Variants in FBLN5 observed in about 807,000 individuals in gnomAD.
FBLN5 encodes the protein fibulin 5.
Under a neutral mutation model 61.6 loss-of-function variants are expected in FBLN5, and 24 were observed. The observed-to-expected ratio is 0.39, with a 90% CI of 0.28 to 0.55. FBLN5 has a LOEUF of 0.55. Ranked by LOEUF, FBLN5 falls within the 20% of genes least tolerant of loss-of-function variation. FBLN5 has a pLI of 0.65. For synonymous variants in FBLN5, 213 were observed against 219.8 expected (o/e 0.97, Z 0.27); for missense variants, 470 against 594.1 (o/e 0.79, Z 2.17).
chr14:91,887,722 C>A (rs1889791613), intron 6 of FBLN5, among the ~76,000 whole-genome samples: 1 of 152,116 alleles, frequency 6.6e-6, no homozygotes, highest in African/African-American at 2.4e-5. Context: ...TTCAGGTTAA[C>A]AAATAACCAT....
intron 1 of FBLN5, among the ~76,000 whole-genome samples, chr14:91,946,485 A>G (rs72705375): frequency 0.072 from 10,855 of 151,674 alleles, 525 homozygotes; most frequent in Admixed American, 0.14. Context: ...CTGGTCCCCA[A>G]TCCAGGATGA....
At chr14:91,898,958 C>T (rs576870568) in intron 4 of FBLN5, among the ~76,000 whole-genome samples, 2 of 152,028 alleles carry the variant, frequency 1.3e-5, no homozygotes, top group Admixed American at 6.5e-5. Flanking sequence ...CCCACCACCA[C>T]GCCCGGCTAA....
intron 2 of FBLN5, 99 bp from the exon 3 acceptor site, chr14:91,940,715 A>G (rs1860950666): frequency 1.0e-6 from 1 of 973,550 alleles, no homozygotes; most frequent in Non-Finnish European, 1.6e-6. Context: ...GCAAAAAAGA[A>G]AGGCCTCCAA....
chr14:91,922,745 T>C (rs1453715077), intron 4 of FBLN5, among the ~76,000 whole-genome samples: 1 of 152,190 alleles, frequency 6.6e-6, no homozygotes, highest in African/African-American at 2.4e-5. Flanking sequence ...CCTAAGGAGC[T>C]TGTGTTTTGC....
chr14:91,937,351 T>C, intron 3 of FBLN5, 150 bp from the exon 4 acceptor site: 1 of 943,996 alleles, frequency 1.1e-6, no homozygotes, highest in Non-Finnish European at 1.6e-6. Context: ...ACCCCAAATG[T>C]TGGCTGAAGT....
Position 91,947,303 on chromosome 14 carries a change from C to A in FBLN5, c.-74G>T. On this transcript the variant is annotated 5_prime_UTR_variant, in exon 1 of 11. Transcript: ENST00000342058. This position sits in a 1 kb window ranked among gnomAD's most constrained non-coding sequence, Gnocchi z 4.3. ...GGCGGGACCCCCGGAGGAGCTCGGG[C>A]ACGTCGGCCTCCTCTGGGCCCTCGG... The A allele has an allele frequency of 6.3e-7, 1 of 1,581,238 alleles. No homozygotes were observed. Among genetic ancestry groups the A allele is most frequent in the South Asian group, 1.1e-5 (1 of 90,236 alleles).
intron 4 of FBLN5, among the ~76,000 whole-genome samples, chr14:91,923,306 T>C (rs972278013): frequency 3.9e-5 from 6 of 152,218 alleles, no homozygotes; most frequent in African/African-American, 1.4e-4. Context: ...GTTCACAGAA[T>C]AAAGCCCAAG....
chr14:91,902,311 G>A (rs369005954), intron 4 of FBLN5, among the ~76,000 whole-genome samples: 10 of 143,814 alleles, frequency 7.0e-5, no homozygotes, highest in African/African-American at 2.4e-4. Context: ...AAAAAGCCAT[G>A]AGGCTTTGGC....
chr14:91,901,820 T>A (rs1595314120), intron 4 of FBLN5, among the ~76,000 whole-genome samples: 1 of 152,326 alleles, frequency 6.6e-6, no homozygotes, highest in Non-Finnish European at 1.5e-5. Context: ...GTTTGTTCAT[T>A]TTGCGCCTCT....
intron 1 of FBLN5, among the ~76,000 whole-genome samples, chr14:91,945,187 C>T (rs1428266596): frequency 4.0e-5 from 6 of 150,586 alleles, no homozygotes; most frequent in African/African-American, 7.4e-5. Context: ...GCCGAGATTG[C>T]GCCACTGCAT....
At chr14:91,935,383 C>A (rs1464221666) in intron 4 of FBLN5, among the ~76,000 whole-genome samples, 2 of 152,248 alleles carry the variant, frequency 1.3e-5, no homozygotes, top group African/African-American at 4.8e-5. Flanking sequence ...ACCCAAGGCC[C>A]CCTGCCAAAA....
intron 10 of FBLN5, chr14:91,874,237 G>C (rs1358212026): frequency 2.0e-5 from 3 of 152,268 alleles, no homozygotes; most frequent in Admixed American, 2.0e-4. Context: ...CCCACACGAT[G>C]CTCCAGTCCC....
At chr14:91,871,674 T>C (rs1888933996) in intron 10 of FBLN5, among the ~76,000 whole-genome samples, 3 of 152,134 alleles carry the variant, frequency 2.0e-5, no homozygotes, top group African/African-American at 7.2e-5. Context: ...CTGGCTGATA[T>C]GGTGAAACCC....
intron 1 of FBLN5, chr14:91,946,835 T>A (rs1475021285): frequency 6.6e-7 from 1 of 1,526,288 alleles, no homozygotes; most frequent in Non-Finnish European, 8.7e-7. Flanking sequence ...TATCAGCCGA[T>A]GCGGCGCAGT....
At chr14:91,876,550 G>T (rs1889170921) in intron 10 of FBLN5, among the ~76,000 whole-genome samples, 1 of 152,310 alleles carries the variant, frequency 6.6e-6, no homozygotes, top group Middle Eastern at 3.4e-3. Flanking sequence ...CTACTCGCAG[G>T]TGTTAATATA....
chr14:91,870,792 A>G (rs1287396491), intron 10 of FBLN5, among the ~76,000 whole-genome samples: 1 of 152,136 alleles, frequency 6.6e-6, no homozygotes, highest in Non-Finnish European at 1.5e-5. Flanking sequence ...GCTTTTCACC[A>G]CTGAGTCCCC....
Position 91,936,958 on chromosome 14 carries a change from T to A in FBLN5, c.368A>T (p.Asn123Ile). Residue 123 changes from asparagine to isoleucine, a missense_variant, in exon 4 of 11, where the codon AAC (asparagine) becomes ATC (isoleucine). Coordinates refer to ENST00000342058, the MANE Select transcript of FBLN5 (RefSeq NM_006329.4). ...GCCGGGCTACTCACCCACACATTGG[T>A]TGCTTTCATCCATCTGGTATCCAAA... is the stretch of plus-strand genomic sequence containing the variant. ...CRFGYQMDES[N>I]QCVDVDECAT... 2 of 1,614,188 alleles carry A rather than the reference T, an allele frequency of 1.2e-6. No individual in the cohort carries two copies. The highest frequency in any genetic ancestry group is 8.5e-7 in the Non-Finnish European group (1 of 1,180,030).
chr14:91,943,299 A>C lies in FBLN5; in HGVS notation c.18-338T>G, dbSNP rs568041318. ...TGAGGCAAGAGGATTGCTTGAACCCAGGAGTTTGAGACAAGCCTGGGCAAC... is the reference window on the plus strand; with the variant it reads ...TGAGGCAAGAGGATTGCTTGAACCCCGGAGTTTGAGACAAGCCTGGGCAAC... On this transcript the variant is annotated intron_variant, in intron 1 of 10. Coordinates refer to ENST00000342058, the MANE Select transcript of FBLN5 (RefSeq NM_006329.4). This position sits in a 1 kb window ranked among gnomAD's most constrained non-coding sequence, Gnocchi z 4.0. Among the ~76,000 whole-genome samples the C allele has an allele frequency of 7.6e-4, 116 of 152,164 alleles. No individual in the cohort carries two copies. Among genetic ancestry groups the C allele is most frequent in the African/African-American group, 2.7e-3 (113 of 41,532 alleles).
Position 91,882,248 on chromosome 14 carries a change from T to C in FBLN5, c.862+706A>G, listed in dbSNP as rs932976965. The stretch of plus-strand genomic sequence containing the variant: ...CTCTTTTAATGTGGCTAATAGAAAA[T>C]GTAAAATTACATAGATGGCTCACAT... On this transcript the variant is annotated intron_variant, in intron 8 of 10. Transcript: ENST00000342058. The surrounding 1 kb of genome is among the most constrained non-coding windows in gnomAD (Gnocchi z 4.9). 1.3e-4 allele frequency among the ~76,000 whole-genome samples: 20 copies of C among 152,174 alleles called. No homozygotes were observed. The highest frequency in any genetic ancestry group is 4.8e-4 in the African/African-American group (20 of 41,432).
Sources: gnomAD v4.1 joint callset for allele counts (sites outside exome capture counted in the v4.1 genomes callset) on GRCh38, gnomAD v4.1.1 for gene constraint, Gnocchi (gnomAD v3.1) non-coding constraint, MANE v1.5 for transcripts, NCBI Gene and HGNC (gene_info 2026-07-23, HGNC 2026-07-21) for gene names.